The following CADM2 variants were observed in gnomAD, a reference collection of about 807,000 sequenced individuals.
CADM2 encodes the protein immunoglobulin superfamily member 4D.
In CADM2, 12 loss-of-function variants were observed where a neutral mutation model predicts 49.8. That is an observed-to-expected ratio of 0.24 (90% CI 0.15 to 0.39). The LOEUF is 0.39. Ranked by LOEUF, CADM2 falls within the 10% of genes least tolerant of loss-of-function variation. The pLI is 1.00. For missense variants in CADM2, 378 were observed against 492.3 expected (o/e 0.77, Z 2.20); for synonymous variants, 214 against 175.4 (o/e 1.22, Z -1.74).
intron 6 of CADM2, among the ~76,000 whole-genome samples, chr3:85,912,888 G>T (rs563003103): frequency 6.6e-6 from 1 of 152,204 alleles, no homozygotes; most frequent in East Asian, 1.9e-4. Flanking sequence ...TTGATGAACA[G>T]TGTTATATTA....
chr3:85,562,842 C>T (rs981698372), intron 1 of CADM2, among the ~76,000 whole-genome samples: 6 of 152,094 alleles, frequency 3.9e-5, no homozygotes, highest in South Asian at 2.1e-4. Flanking sequence ...CCACAGTCTC[C>T]GTTTTATTCT....
At chr3:85,448,846 C>T (rs1391744891) in intron 1 of CADM2, among the ~76,000 whole-genome samples, 2 of 151,662 alleles carry the variant, frequency 1.3e-5, no homozygotes, top group East Asian at 1.9e-4. Flanking sequence ...GTCAGGAGAT[C>T]GAGACCATCC....
chr3:85,893,980 C>T (rs563138888), intron 5 of CADM2, among the ~76,000 whole-genome samples: 36 of 152,220 alleles, frequency 2.4e-4, no homozygotes, highest in African/African-American at 6.3e-4. Context: ...CATTTGAGCC[C>T]GCCATCCCAT....
chr3:84,975,722 T>C (rs535815240), intron 1 of CADM2, among the ~76,000 whole-genome samples: 6 of 151,992 alleles, frequency 3.9e-5, no homozygotes, highest in African/African-American at 1.4e-4. Flanking sequence ...TTTCTGTTAT[T>C]TTGCAAGTCT....
chr3:85,777,913 C>A (rs1035284324), intron 2 of CADM2, among the ~76,000 whole-genome samples: 4 of 152,018 alleles, frequency 2.6e-5, no homozygotes, highest in Non-Finnish European at 5.9e-5. Context: ...ACAGATATTA[C>A]CCTTATCTCA....
chr3:85,818,652 C>T (rs1054680060), intron 3 of CADM2, among the ~76,000 whole-genome samples: 2 of 152,090 alleles, frequency 1.3e-5, no homozygotes, highest in African/African-American at 2.4e-5. Context: ...TAGCTATTAT[C>T]TTTTATCTTA....
At chr3:85,554,590 A>G (rs2061901094) in intron 1 of CADM2, among the ~76,000 whole-genome samples, 1 of 152,224 alleles carries the variant, frequency 6.6e-6, no homozygotes, top group Non-Finnish European at 1.5e-5. Flanking sequence ...TACCACTGCT[A>G]AAATGTGCAT....
chr3:85,959,145 T>G (rs1724489717), intron 7 of CADM2, among the ~76,000 whole-genome samples: 2 of 112,038 alleles, frequency 1.8e-5, no homozygotes, highest in African/African-American at 4.8e-5. Flanking sequence ...TATCTTTATC[T>G]ATCTATCTCT....
intron 1 of CADM2, among the ~76,000 whole-genome samples, chr3:85,043,889 T>G (rs1235944518): frequency 6.6e-6 from 1 of 152,090 alleles, no homozygotes; most frequent in African/African-American, 2.4e-5. Flanking sequence ...GCTACCAAAC[T>G]TCTAATTTTT....
At position 85,726,619 on chromosome 3, in the gene CADM2, A is replaced by G; in HGVS notation, c.88+71A>G. ...TGCTCAATCTTCTAAGTTCTCTTAA[A>G]TGATAGAACCAATTCGGTTGGTGAT... On this transcript the variant is annotated intron_variant, in intron 2 of 9. Transcript: ENST00000383699. The G allele has an allele frequency of 7.4e-6, 9 of 1,218,760 alleles. No individual in the cohort carries two copies. In the South Asian group the frequency reaches 9.9e-5, roughly 13 times the overall value. The allele number at this position is 1,218,760 out of a possible 1,614,324, so 75.5% of individuals were successfully genotyped here.
At chr3:85,052,628 C>G (rs1249082828) in intron 1 of CADM2, among the ~76,000 whole-genome samples, 2 of 152,042 alleles carry the variant, frequency 1.3e-5, no homozygotes, top group African/African-American at 4.8e-5. Flanking sequence ...ACTCTAAATT[C>G]TAAGGAACAG....
chr3:85,666,539 T>A (rs2065574819), intron 1 of CADM2, among the ~76,000 whole-genome samples: 1 of 151,870 alleles, frequency 6.6e-6, no homozygotes, highest in African/African-American at 2.4e-5. Flanking sequence ...TTACATGACA[T>A]AAGAGACATC....
chr3:85,501,021 G>T (rs971382928), intron 1 of CADM2, among the ~76,000 whole-genome samples: 5 of 152,048 alleles, frequency 3.3e-5, no homozygotes, highest in African/African-American at 9.7e-5. Flanking sequence ...AATATCCACA[G>T]AAATTATTAA....
chr3:85,122,751 C>T (rs759790990), intron 1 of CADM2, among the ~76,000 whole-genome samples: 1 of 152,036 alleles, frequency 6.6e-6, no homozygotes, highest in Admixed American at 6.6e-5. Flanking sequence ...TGCCGGATTC[C>T]TTTTCCCTGA....
intron 1 of CADM2, among the ~76,000 whole-genome samples, chr3:85,146,416 CA>C (rs1351117651): frequency 6.6e-6 from 1 of 151,878 alleles, no homozygotes; most frequent in Non-Finnish European, 1.5e-5. Context: ...CAAATGAAAG[CA>C]GGTAGAAGCG....
intron 1 of CADM2, among the ~76,000 whole-genome samples, chr3:85,666,370 A>G (rs1029662171): frequency 7.2e-5 from 11 of 151,922 alleles, no homozygotes; most frequent in Non-Finnish European, 1.6e-4. Context: ...TTCAGCCCCA[A>G]TATCTCTATC....
rs1730966077 is a variant in CADM2, at chr3:86,007,715, C to T, written c.970+46068C>T. On this transcript the variant is annotated intron_variant, in intron 8 of 9. Transcript: ENST00000383699. Reference sequence around the variant, plus strand: ...ATTGGACCTCTCCAGCTTACACACCCTAAAGAGTGCAATACTATCAAGACC... The same window carrying T: ...ATTGGACCTCTCCAGCTTACACACCTTAAAGAGTGCAATACTATCAAGACC... Among the ~76,000 whole-genome samples, 3 of 152,086 alleles carry T rather than the reference C, an allele frequency of 2.0e-5. No homozygotes were observed. The South Asian group carries it at 6.2e-4, about 32-fold the overall frequency.
chr3:85,082,557 A>G (rs1198809660), intron 1 of CADM2, among the ~76,000 whole-genome samples: 3 of 152,158 alleles, frequency 2.0e-5, no homozygotes, highest in South Asian at 2.1e-4. Flanking sequence ...TAATGGCACA[A>G]ATCGCTGAAC....
chr3:84,991,179 T>A lies in CADM2; in HGVS notation c.61+31511T>A, dbSNP rs538567417. ...AGGATCTTTCCAGTATTTCAGATCTTGATACAGATCCTTTAGGAGTTTTTG... is the reference window on the plus strand; with the variant it reads ...AGGATCTTTCCAGTATTTCAGATCTAGATACAGATCCTTTAGGAGTTTTTG... On this transcript the variant is annotated intron_variant, in intron 1 of 9. Coordinates refer to ENST00000383699, the MANE Select transcript of CADM2 (RefSeq NM_001167675.2). 1.4e-4 allele frequency among the ~76,000 whole-genome samples: 21 copies of A among 152,212 alleles called. No individual in the cohort carries two copies. In the South Asian group the frequency reaches 4.4e-3, roughly 32 times the overall value.
Sources: gnomAD v4.1 joint callset for allele counts (sites outside exome capture counted in the v4.1 genomes callset) on GRCh38, gnomAD v4.1.1 for gene constraint, MANE v1.5 for transcripts, NCBI Gene and HGNC (gene_info 2026-07-23, HGNC 2026-07-21) for gene names.